ITGA1: variants seen among roughly 807,000 people sequenced by gnomAD.
ITGA1 encodes the protein integrin subunit alpha 1, also known as integrin alpha-1.
Under a neutral mutation model 145.9 loss-of-function variants are expected in ITGA1, and 85 were observed. That is an observed-to-expected ratio of 0.58 (90% CI 0.49 to 0.70). The LOEUF (loss-of-function observed/expected upper bound fraction) is 0.70. Ranked by LOEUF, ITGA1 falls within the 30% of genes least tolerant of loss-of-function variation. The pLI is 0.00. For synonymous variants in ITGA1, 520 were observed against 495.3 expected (o/e 1.05, Z -0.66); for missense variants, 1,351 against 1,418.7 (o/e 0.95, Z 0.77).
intron 14 of ITGA1, 56 bp downstream of exon 14, chr5:52,910,475 A>G: frequency 6.5e-7 from 1 of 1,549,412 alleles, no homozygotes; most frequent in Admixed American, 1.8e-5. Context: ...GTTCAATGCC[A>G]GGCATTACCT....
At chr5:52,943,723 C>T (rs543540618) in intron 26 of ITGA1, among the ~76,000 whole-genome samples, 6 of 152,240 alleles carry the variant, frequency 3.9e-5, no homozygotes, top group African/African-American at 1.4e-4. Context: ...AGTGCTGGCC[C>T]ACGCTGGCCC....
At chr5:52,788,476 G>C in intron 1 of ITGA1, 62 bp downstream of exon 1, 2 of 1,349,954 alleles carry the variant, frequency 1.5e-6, no homozygotes, top group Non-Finnish European at 1.9e-6. Flanking sequence ...GGAGCGGGGA[G>C]GGAGGTCCTC....
chr5:52,853,498 A>C (rs1347036312), intron 2 of ITGA1, among the ~76,000 whole-genome samples: 1 of 152,216 alleles, frequency 6.6e-6, no homozygotes, highest in Admixed American at 6.5e-5. Flanking sequence ...TATTTAAAAA[A>C]ATCATCCTGA....
chr5:52,790,452 G>A (rs969290091), intron 1 of ITGA1, among the ~76,000 whole-genome samples: 4 of 152,174 alleles, frequency 2.6e-5, no homozygotes, highest in African/African-American at 9.7e-5. Context: ...AAGTATCACT[G>A]GGCTAGAATC....
chr5:52,801,765 G>A (rs769825826), intron 1 of ITGA1: 5 of 1,613,902 alleles, frequency 3.1e-6, no homozygotes, highest in East Asian at 4.5e-5. Flanking sequence ...AGTTGACTGG[G>A]GTAGCTGCCA....
intron 1 of ITGA1, among the ~76,000 whole-genome samples, chr5:52,848,243 C>A (rs183649199): frequency 6.6e-6 from 1 of 152,150 alleles, no homozygotes; most frequent in Non-Finnish European, 1.5e-5. Context: ...TGAGTGGAGA[C>A]CATCAGCTTG....
chr5:52,825,647 C>T (rs1748948411), intron 1 of ITGA1, among the ~76,000 whole-genome samples: 2 of 152,172 alleles, frequency 1.3e-5, no homozygotes, highest in Admixed American at 1.3e-4. Flanking sequence ...AGGCAGGGCA[C>T]AGTGGCTCAT....
intron 1 of ITGA1, among the ~76,000 whole-genome samples, chr5:52,813,825 A>G (rs1048128878): frequency 3.9e-5 from 6 of 152,246 alleles, no homozygotes; most frequent in African/African-American, 1.4e-4. Flanking sequence ...GATTCTAGGT[A>G]GCCAAAACAA....
At chr5:52,915,370 T>G in intron 14 of ITGA1, 94 bp from the exon 15 acceptor site, 4 of 1,344,422 alleles carry the variant, frequency 3.0e-6, no homozygotes, top group Non-Finnish European at 4.1e-6. Flanking sequence ...ACAAAACTGA[T>G]TATTTTGTTA....
chr5:52,896,329 G>A (rs1354696424), intron 9 of ITGA1, among the ~76,000 whole-genome samples: 1 of 152,118 alleles, frequency 6.6e-6, no homozygotes, highest in East Asian at 1.9e-4. Flanking sequence ...TATTGATCTT[G>A]CAGATAAGTG....
At chr5:52,891,196 T>C (rs1242630905) in intron 8 of ITGA1, among the ~76,000 whole-genome samples, 2 of 151,896 alleles carry the variant, frequency 1.3e-5, no homozygotes, top group Non-Finnish European at 2.9e-5. Flanking sequence ...AACAGGGGAG[T>C]GCAGATATTT....
chr5:52,838,966 A>G (rs1376192313), intron 1 of ITGA1, among the ~76,000 whole-genome samples: 1 of 152,062 alleles, frequency 6.6e-6, no homozygotes, highest in Admixed American at 6.6e-5. Flanking sequence ...GCATGGTGGC[A>G]TGTGCCTCTG....
chr5:52,912,842 G>A (rs1460469498), intron 14 of ITGA1, among the ~76,000 whole-genome samples: 2 of 151,232 alleles, frequency 1.3e-5, no homozygotes, highest in African/African-American at 4.9e-5. Flanking sequence ...CACCTCCCAG[G>A]TTCACACCAT....
chr5:52,918,693 G>A (rs1750685734), intron 15 of ITGA1, 39 bp from the exon 16 acceptor site: 2 of 1,579,438 alleles, frequency 1.3e-6, no homozygotes, highest in East Asian at 2.2e-5. Flanking sequence ...TTCATTAAAT[G>A]TAAAAATGTG....
At chr5:52,801,257 A>G in intron 1 of ITGA1, 2 of 1,152,118 alleles carry the variant, frequency 1.7e-6, no homozygotes, top group Non-Finnish European at 2.5e-6. Flanking sequence ...AATGAAATAA[A>G]AAGAGAATGT....
chr5:52,885,706 G>C (rs1371438257), intron 7 of ITGA1, among the ~76,000 whole-genome samples: 2 of 152,172 alleles, frequency 1.3e-5, no homozygotes, highest in Non-Finnish European at 2.9e-5. Context: ...GGGCTTTTAC[G>C]AGCTGAATGC....
intron 26 of ITGA1, among the ~76,000 whole-genome samples, chr5:52,940,391 G>A (rs903013328): frequency 6.7e-6 from 1 of 149,410 alleles, no homozygotes; most frequent in Non-Finnish European, 1.5e-5. Context: ...ATAATATATA[G>A]GTATATATGA....
At chr5:52,800,749 A>G (rs761392908) in intron 1 of ITGA1, 1 of 1,614,226 alleles carries the variant, frequency 6.2e-7, no homozygotes, top group Non-Finnish European at 8.5e-7. Context: ...GCAGTGGGAT[A>G]GTGTGGTACT....
intron 15 of ITGA1, among the ~76,000 whole-genome samples, chr5:52,916,741 C>T (rs1750654509): frequency 6.6e-6 from 1 of 152,152 alleles, no homozygotes; most frequent in African/African-American, 2.4e-5. Flanking sequence ...CAGAAGTCAG[C>T]AGTGTCAGGG....
Sources: gnomAD v4.1 joint callset for allele counts (sites outside exome capture counted in the v4.1 genomes callset) on GRCh38, gnomAD v4.1.1 for gene constraint, MANE v1.5 for transcripts, NCBI Gene and HGNC (gene_info 2026-07-23, HGNC 2026-07-21) for gene names.